IPO7: variants seen among roughly 807,000 people sequenced by gnomAD.
IPO7 encodes the protein importin-7.
A neutral mutation model predicts 136.4 loss-of-function variants in IPO7; 13 were observed. The observed-to-expected ratio is 0.10, with a 90% CI of 0.06 to 0.15. The LOEUF is 0.15. IPO7 is among the 10% of genes least tolerant of loss of function. The probability of loss-of-function intolerance (pLI) is 1.00; values close to 1 mark genes in which losing one functional copy is unlikely to be tolerated. For synonymous variants in IPO7, 403 were observed against 404.4 expected, an observed-to-expected ratio of 1.00 and a Z score of 0.04; for missense variants, 857 against 1,240.6, an observed-to-expected ratio of 0.69 and a Z score of 4.65.
intron 4 of IPO7, among the ~76,000 whole-genome samples, chr11:9,412,483 C>T (rs1854980543): frequency 6.6e-6 from 1 of 152,110 alleles, no homozygotes; most frequent in Non-Finnish European, 1.5e-5. Flanking sequence ...AATCAGTAAT[C>T]TGTATTTTAA....
intron 1 of IPO7, chr11:9,392,048 A>C: frequency 5.1e-6 from 1 of 196,798 alleles, no homozygotes; most frequent in South Asian, 5.8e-5. Flanking sequence ...TTTTTAACAA[A>C]GGCAGAGGGA....
In IPO7 at chr11:9,434,918, T is replaced by A. The variant is rs377365084; in HGVS notation, c.2075-16T>A. 1 of 1,506,520 alleles carries A rather than the reference T, an allele frequency of 6.6e-7. No homozygotes were observed. Among genetic ancestry groups the A allele is most frequent in the South Asian group, 1.1e-5 (1 of 88,084 alleles). The allele number at this position is 1,506,520 out of a possible 1,614,324, so 93.3% of individuals were successfully genotyped here. ...TGTTACTAAAGATGTGTAACCGATG[T>A]TTTTTATTAATACAGATATGATGCC... On this transcript the variant is annotated splice_polypyrimidine_tract_variant and intron_variant, in intron 18 of 24. Coordinates refer to ENST00000379719, the MANE Select transcript of IPO7 (RefSeq NM_006391.3).
chr11:9,395,921 C>T (rs1052277602), intron 1 of IPO7, among the ~76,000 whole-genome samples: 1 of 151,264 alleles, frequency 6.6e-6, no homozygotes, highest in African/African-American at 2.4e-5. Flanking sequence ...TGGGGTTTTA[C>T]CATGTTGGTC....
intron 5 of IPO7, 149 bp downstream of exon 5, chr11:9,414,560 A>C (rs567446913): frequency 2.1e-6 from 1 of 480,834 alleles, no homozygotes; most frequent in South Asian, 3.6e-5. Flanking sequence ...GAAATTGCAA[A>C]AATTATAAGT....
chr11:9,438,045 G>GTTTTTTTTTTTTTTTTTTTTTT, intron 21 of IPO7, 35 bp from the exon 22 acceptor site: 1 of 1,087,782 alleles, frequency 9.2e-7, no homozygotes, highest in Non-Finnish European at 1.2e-6. Flanking sequence ...AAAGAAAACA[G>GTTTTTTTTTTTTTTTTTTTTTT]TTTTTTTTTT....
intron 2 of IPO7, among the ~76,000 whole-genome samples, chr11:9,405,569 C>T (rs1332484551): frequency 2.6e-5 from 4 of 152,184 alleles, no homozygotes; most frequent in African/African-American, 4.8e-5. Flanking sequence ...ACTGTAGGCA[C>T]GTACCATCAT....
Position 9,413,292 on chromosome 11 carries a change from C to T in IPO7, c.480-963C>T, listed in dbSNP as rs547545899. On this transcript the variant is annotated intron_variant, in intron 4 of 24. Coordinates refer to ENST00000379719, the MANE Select transcript of IPO7 (RefSeq NM_006391.3). ...CTCATAATTGATAGCCTGTTGGTCA[C>T]ATTTTGTTGCCCTATGGGTTAATAG... Among the ~76,000 whole-genome samples, 160 of 152,224 alleles carry T rather than the reference C, an allele frequency of 1.1e-3. 1 individual carries two copies. The highest frequency in any genetic ancestry group is 3.7e-3 in the African/African-American group (153 of 41,540).
intron 1 of IPO7, among the ~76,000 whole-genome samples, chr11:9,395,571 T>A (rs1854696470): frequency 6.6e-6 from 1 of 152,108 alleles, no homozygotes; most frequent in Non-Finnish European, 1.5e-5. Context: ...AGAATACAAG[T>A]CTTCATGTCT....
chr11:9,414,184 T>C, intron 4 of IPO7, 71 bp from the exon 5 acceptor site: 1 of 1,093,204 alleles, frequency 9.1e-7, no homozygotes. Context: ...TGTAAATAAA[T>C]GCATAGTTTA....
Position 9,417,857 on chromosome 11 carries a change from C to T in IPO7, c.726+709C>T, listed in dbSNP as rs929145019. Among the ~76,000 whole-genome samples, 9 of 150,476 alleles carry T rather than the reference C, an allele frequency of 6.0e-5. No individual in the cohort carries two copies. In the East Asian group the frequency reaches 7.9e-4, roughly 13 times the overall value. On this transcript the variant is annotated intron_variant, in intron 6 of 24. Coordinates refer to ENST00000379719, the MANE Select transcript of IPO7 (RefSeq NM_006391.3). Reference sequence around the variant, plus strand: ...CCTCTCAAGTAGCTGGGACTACAGACGTGTGCTACCAAGCCCGTCTAATTT... The same window carrying T: ...CCTCTCAAGTAGCTGGGACTACAGATGTGTGCTACCAAGCCCGTCTAATTT...
At chr11:9,393,161 A>G (rs1854660516) in intron 1 of IPO7, among the ~76,000 whole-genome samples, 1 of 152,192 alleles carries the variant, frequency 6.6e-6, no homozygotes, top group Admixed American at 6.5e-5. Flanking sequence ...GAGAGAAAGC[A>G]GCAATGGAAA....
chr11:9,427,790 A>G (rs957590041), intron 12 of IPO7, among the ~76,000 whole-genome samples: 6 of 152,202 alleles, frequency 3.9e-5, no homozygotes, highest in Non-Finnish European at 4.4e-5. Flanking sequence ...GCTACTATCA[A>G]CTAATCCATG....
chr11:9,398,804 C>T (rs1002234864), intron 1 of IPO7, among the ~76,000 whole-genome samples: 3 of 152,180 alleles, frequency 2.0e-5, no homozygotes, highest in Non-Finnish European at 4.4e-5. Context: ...GGTTACCCTA[C>T]AGTGCTATAG....
At chr11:9,413,583 T>C (rs1322486259) in intron 4 of IPO7, among the ~76,000 whole-genome samples, 2 of 152,184 alleles carry the variant, frequency 1.3e-5, no homozygotes, top group Non-Finnish European at 2.9e-5. Flanking sequence ...GGTTCATGTC[T>C]AACTATGTAA....
At position 9,429,066 on chromosome 11, in the gene IPO7, G is replaced by A. The variant is rs776375793; in HGVS notation, c.1461G>A (p.Lys487=). The A allele has an allele frequency of 5.0e-6, 8 of 1,614,064 alleles. No homozygotes were observed. The highest frequency in any genetic ancestry group is 6.8e-6 in the Non-Finnish European group (8 of 1,179,960). ...TACTTCACTATTTTTGTGAAGTGAA[G>A]TTCAAAAGTGATCAGAACCTTCAAA... ...CWVLHYFCEV[K]FKSDQNLQTA... Residue 487 remains lysine (K), a synonymous_variant, in exon 14 of 25, where the codon AAG becomes AAA. Coordinates refer to ENST00000379719, the MANE Select transcript of IPO7 (RefSeq NM_006391.3).
intron 3 of IPO7, among the ~76,000 whole-genome samples, chr11:9,409,143 C>G (rs1027940292): frequency 2.7e-5 from 4 of 148,830 alleles, no homozygotes; most frequent in Admixed American, 2.0e-4. Flanking sequence ...GAGTCTTGTT[C>G]TGTCACCCAG....
At position 9,391,403 on chromosome 11, in the gene IPO7, A is replaced by G. The variant is rs762112017; in HGVS notation, c.84+6556A>G. On this transcript the variant is annotated intron_variant, in intron 1 of 24. Transcript: ENST00000379719. ...ACAGTGCAAGACTCTGCCTCAAAAA[A>G]AGAAAAATAAAATAAAAGTTCTGGC... Among the ~76,000 whole-genome samples the G allele has an allele frequency of 4.9e-4, 73 of 149,694 alleles. No individual in the cohort carries two copies. The Middle Eastern group carries it at 0.03, about 61-fold the overall frequency.
At chr11:9,408,145 G>A (rs1200310155) in intron 2 of IPO7, among the ~76,000 whole-genome samples, 1 of 152,108 alleles carries the variant, frequency 6.6e-6, no homozygotes, top group East Asian at 1.9e-4. Flanking sequence ...TTTGTCTTTA[G>A]AGGCTTCATT....
chr11:9,417,352 GT>G (rs1165090141), intron 6 of IPO7, among the ~76,000 whole-genome samples: 1 of 151,990 alleles, frequency 6.6e-6, no homozygotes, highest in Admixed American at 6.5e-5. Flanking sequence ...TGTAAAGGGT[GT>G]TTTTTTAAAT....
Sources: allele counts gnomAD v4.1 joint callset (sites outside exome capture counted in the v4.1 genomes callset), GRCh38; gene constraint gnomAD v4.1.1; transcripts MANE v1.5; gene names NCBI Gene and HGNC (gene_info 2026-07-23, HGNC 2026-07-21).